Variants in LTBP1 observed in about 807,000 individuals in gnomAD.
The protein encoded by LTBP1 is latent transforming growth factor beta binding protein 1, also known as latent-transforming growth factor beta-binding protein 1.
In LTBP1, 129 loss-of-function variants were observed where a neutral mutation model predicts 207.6. The observed-to-expected ratio is 0.62, with a 90% CI of 0.54 to 0.72. LTBP1 has a LOEUF of 0.72. Ranked by LOEUF, LTBP1 falls within the 30% of genes least tolerant of loss-of-function variation. LTBP1 has a pLI of 0.00. For synonymous variants in LTBP1, 963 were observed against 833.7 expected, an observed-to-expected ratio of 1.16 and a Z score of -2.67; for missense variants, 2,281 against 2,217.2, an observed-to-expected ratio of 1.03 and a Z score of -0.58.
rs551522380 is a variant in LTBP1 at position 33,200,614 on chromosome 2, A to G, written c.1701+11763A>G. On this transcript the variant is annotated intron_variant, in intron 7 of 33. Coordinates refer to ENST00000404816, the MANE Select transcript of LTBP1 (RefSeq NM_206943.4). The stretch of plus-strand genomic sequence containing the variant: ...CCAAAAGCAATGGCAACAAAAGCCA[A>G]AATTGACAAATGGGATCTAATTAAA... 1.1e-3 allele frequency among the ~76,000 whole-genome samples: 170 copies of G among 152,352 alleles called. 3 individuals are homozygous for G. The South Asian group carries it at 0.021, about 19-fold the overall frequency.
intron 24 of LTBP1, among the ~76,000 whole-genome samples, chr2:33,316,555 G>A (rs566564980): frequency 1.2e-4 from 18 of 152,334 alleles, no homozygotes; most frequent in African/African-American, 4.1e-4. Flanking sequence ...CTGGGAGAGA[G>A]AGAGTTCAGG....
rs2094248835 is a variant in LTBP1, at chr2:33,315,125, ACT to A, written c.3605-16_3605-15del. The A allele has an allele frequency of 6.3e-7, 1 of 1,583,444 alleles. No individual in the cohort carries two copies. ...AACCGATTTTTTTCAAGTTTTTAAG[ACT>A]CTATTTTAAATTACAGATATTAATG... On this transcript the variant is annotated splice_polypyrimidine_tract_variant and intron_variant, in intron 23 of 33. Coordinates refer to ENST00000404816, the MANE Select transcript of LTBP1 (RefSeq NM_206943.4).
At chr2:32,990,259 C>A (rs1344301119) in intron 2 of LTBP1, among the ~76,000 whole-genome samples, 1 of 152,236 alleles carries the variant, frequency 6.6e-6, no homozygotes, top group Non-Finnish European at 1.5e-5. Context: ...CTCTTGTCTA[C>A]TGGATATCGT....
intron 18 of LTBP1, among the ~76,000 whole-genome samples, chr2:33,277,923 G>A (rs1406575621): frequency 1.3e-5 from 2 of 149,444 alleles, no homozygotes; most frequent in Admixed American, 6.7e-5. Context: ...TCCGCCTCCC[G>A]GGTTCACATC....
At chr2:33,029,274 C>T (rs2075577459) in intron 3 of LTBP1, among the ~76,000 whole-genome samples, 1 of 152,108 alleles carries the variant, frequency 6.6e-6, no homozygotes, top group African/African-American at 2.4e-5. Context: ...GTCAGGAGTG[C>T]AAGAACAGCC....
rs372828140 is a variant in LTBP1 at position 33,363,831 on chromosome 2, T to G, written c.4399+313T>G. On this transcript the variant is annotated intron_variant, in intron 29 of 33. Transcript: ENST00000404816. ...TGTTTCATCACTCATACCGTGCAAGTGACAGCCATTTTAAATACTGACCCA... is the reference window on the plus strand; with the variant it reads ...TGTTTCATCACTCATACCGTGCAAGGGACAGCCATTTTAAATACTGACCCA... 4.1e-4 allele frequency among the ~76,000 whole-genome samples: 63 copies of G among 152,334 alleles called. No individual in the cohort carries two copies. The South Asian group carries it at 0.012, about 29-fold the overall frequency.
chr2:33,254,868 T>TTTTTTTTTTTTTTTTG (rs2092801374), intron 11 of LTBP1, among the ~76,000 whole-genome samples: 2 of 118,930 alleles, frequency 1.7e-5, no homozygotes, highest in Non-Finnish European at 3.5e-5. Flanking sequence ...TTTTTTTTTT[T>TTTTTTTTTTTTTTTTG]TTTTTTTTTT....
At chr2:33,370,860 G>T (rs538286913) in intron 31 of LTBP1, among the ~76,000 whole-genome samples, 18 of 152,168 alleles carry the variant, frequency 1.2e-4, no homozygotes, top group Non-Finnish European at 2.2e-4. Context: ...CGCACCACTT[G>T]TCATCAGCTT....
intron 5 of LTBP1, among the ~76,000 whole-genome samples, chr2:33,143,277 A>G (rs957279801): frequency 1.3e-5 from 2 of 151,696 alleles, no homozygotes; most frequent in Non-Finnish European, 1.5e-5. Context: ...CTTCCACTAC[A>G]CTCTAAACTG....
At chr2:33,350,808 A>T (rs2094771170) in intron 26 of LTBP1, among the ~76,000 whole-genome samples, 1 of 151,308 alleles carries the variant, frequency 6.6e-6, no homozygotes, top group Admixed American at 6.6e-5. Context: ...TAAAAACTTT[A>T]TGTCTTTGGG....
intron 5 of LTBP1, among the ~76,000 whole-genome samples, chr2:33,179,001 A>G (rs552968384): frequency 6.6e-6 from 1 of 151,968 alleles, no homozygotes; most frequent in Non-Finnish European, 1.5e-5. Flanking sequence ...TTGGCCTCCT[A>G]CAGTGCTGGG....
chr2:33,188,928 T>C (rs2087520329), intron 7 of LTBP1, 77 bp downstream of exon 7: 3 of 1,480,376 alleles, frequency 2.0e-6, no homozygotes, highest in South Asian at 1.3e-5. Flanking sequence ...CCAGACTTGA[T>C]AAAAATGCTT....
At chr2:33,310,304 G>C (rs1357788204) in intron 23 of LTBP1, among the ~76,000 whole-genome samples, 3 of 152,120 alleles carry the variant, frequency 2.0e-5, no homozygotes, top group African/African-American at 7.2e-5. Flanking sequence ...AAATCATGAA[G>C]AAGAGGATCT....
intron 23 of LTBP1, among the ~76,000 whole-genome samples, chr2:33,311,352 T>C (rs1487457384): frequency 1.3e-5 from 2 of 152,176 alleles, no homozygotes; most frequent in East Asian, 3.8e-4. Context: ...CATGTATTTA[T>C]TTGCCATCCT....
intron 3 of LTBP1, among the ~76,000 whole-genome samples, chr2:33,021,707 T>C (rs901526756): frequency 6.6e-6 from 1 of 152,204 alleles, no homozygotes; most frequent in Non-Finnish European, 1.5e-5. Flanking sequence ...AAGTGTACCT[T>C]CTGTTAACAC....
intron 19 of LTBP1, among the ~76,000 whole-genome samples, chr2:33,285,611 G>A (rs1355633816): frequency 6.6e-6 from 1 of 151,562 alleles, no homozygotes; most frequent in African/African-American, 2.4e-5. Flanking sequence ...ATTATGCCCG[G>A]CTAATTTTTG....
chr2:33,303,602 G>A (rs767869141), intron 22 of LTBP1, among the ~76,000 whole-genome samples: 1 of 151,954 alleles, frequency 6.6e-6, no homozygotes, highest in Non-Finnish European at 1.5e-5. Flanking sequence ...CGCCCATCTC[G>A]GCCTCCCAAA....
chr2:33,155,463 A>G (rs1027721420), intron 5 of LTBP1, among the ~76,000 whole-genome samples: 1 of 152,136 alleles, frequency 6.6e-6, no homozygotes, highest in Non-Finnish European at 1.5e-5. Flanking sequence ...GTTTCTTTTC[A>G]TGTGCCTAAA....
chr2:33,106,858 ACTT>A (rs1446305706), intron 3 of LTBP1, among the ~76,000 whole-genome samples: 5 of 152,172 alleles, frequency 3.3e-5, no homozygotes, highest in Admixed American at 6.5e-5. Context: ...TCAGGCATTG[ACTT>A]CTTCTCCCTT....
Sources: gnomAD v4.1 joint callset for allele counts (sites outside exome capture counted in the v4.1 genomes callset) on GRCh38, gnomAD v4.1.1 for gene constraint, MANE v1.5 for transcripts, NCBI Gene and HGNC (gene_info 2026-07-23, HGNC 2026-07-21) for gene names.